The following PIKFYVE variants were observed in gnomAD, a reference collection of about 807,000 sequenced individuals.
PIKFYVE encodes the protein phosphoinositide kinase, FYVE-type zinc finger containing, also known as 1-phosphatidylinositol 3-phosphate 5-kinase.
Under a neutral mutation model 257.9 loss-of-function variants are expected in PIKFYVE, and 122 were observed. The ratio of observed to expected loss-of-function variants is 0.47; its 90% confidence interval spans 0.41 to 0.55. The LOEUF (loss-of-function observed/expected upper bound fraction) is 0.55. Ranked by LOEUF, PIKFYVE falls within the 20% of genes least tolerant of loss-of-function variation. PIKFYVE has a pLI of 0.00. For missense variants in PIKFYVE, 2,160 were observed against 2,536.6 expected, an observed-to-expected ratio of 0.85 and a Z score of 3.19; for synonymous variants, 892 against 868.9, an observed-to-expected ratio of 1.03 and a Z score of -0.47.
chr2:208,304,834 C>T lies in PIKFYVE; in HGVS notation c.1469-12C>T. Reference sequence around the variant, plus strand: ...TCTCCCTATATTTCTTTCCCCTTCCCAACACTAAAAGATTCTGCCAGTCCT... The same window carrying T: ...TCTCCCTATATTTCTTTCCCCTTCCTAACACTAAAAGATTCTGCCAGTCCT... On this transcript the variant is annotated splice_polypyrimidine_tract_variant and intron_variant, in intron 11 of 41. Transcript: ENST00000264380. 1 of 1,612,774 alleles carries T rather than the reference C, an allele frequency of 6.2e-7. No homozygotes were observed. The highest frequency in any genetic ancestry group is 2.2e-5 in the East Asian group (1 of 44,868).
intron 7 of PIKFYVE, among the ~76,000 whole-genome samples, chr2:208,293,057 C>A (rs1692511813): frequency 7.2e-6 from 1 of 138,654 alleles, no homozygotes; most frequent in Non-Finnish European, 1.5e-5. Flanking sequence ...ATTTTCTCTC[C>A]TTTTTAAAGG....
chr2:208,340,443 CAT>C (rs901248235), intron 31 of PIKFYVE, among the ~76,000 whole-genome samples: 13 of 152,122 alleles, frequency 8.5e-5, no homozygotes, highest in Non-Finnish European at 1.5e-4. Context: ...ATTATAAAAA[CAT>C]ATTGCTGGTT....
intron 1 of PIKFYVE, among the ~76,000 whole-genome samples, chr2:208,267,806 T>TCTCC (rs1421408026): frequency 1.3e-5 from 2 of 150,836 alleles, no homozygotes; most frequent in African/African-American, 2.4e-5. Context: ...CGGGCGGGGG[T>TCTCC]CTCCCTCCCT....
chr2:208,334,803 CAG>C (rs1336532680), intron 24 of PIKFYVE, among the ~76,000 whole-genome samples: 2 of 152,172 alleles, frequency 1.3e-5, no homozygotes, highest in African/African-American at 4.8e-5. Flanking sequence ...AATAGACCCT[CAG>C]GGGATATTTG....
chr2:208,354,125 T>G lies in PIKFYVE; in HGVS notation c.6072T>G (p.Asp2024Glu). 6.2e-7 allele frequency: 1 copy of G among 1,613,838 alleles called. No homozygotes were observed. The highest frequency in any genetic ancestry group is 2.2e-5 in the East Asian group (1 of 44,872). The change falls in exon 40 of 42, where the codon GAT (aspartate) becomes GAG (glutamate). Residue 2024 changes from aspartate to glutamate, a missense_variant. This residue lies in a region of PIKFYVE where 699 missense variants were observed against 855.8 expected (regional missense o/e 0.82). Coordinates refer to ENST00000264380, the MANE Select transcript of PIKFYVE (RefSeq NM_015040.4). ...IIDYSLLVGR[D>E]DTSNELVVGI... ...ATTATTCTTTGCTGGTTGGGCGAGA[T>G]GATACTAGCAATGAGCTAGTAGTTG... is the stretch of plus-strand genomic sequence containing the variant.
intron 17 of PIKFYVE, among the ~76,000 whole-genome samples, chr2:208,323,795 T>C (rs534506706): frequency 1.6e-3 from 244 of 152,302 alleles, no homozygotes; most frequent in African/African-American, 5.5e-3. Context: ...TTTTAATGAT[T>C]GCCATTCTAT....
rs976888728 is a variant in PIKFYVE at position 208,273,458 on chromosome 2, G to GA, written c.173-116dup. On this transcript the variant is annotated intron_variant, in intron 2 of 41. Coordinates refer to ENST00000264380, the MANE Select transcript of PIKFYVE (RefSeq NM_015040.4). ...ATTTAAAATTAAATAAATGAAAAAG[G>GA]AAAAAAAAAATTTTTAGTTACGCAT... The GA allele has an allele frequency of 1.7e-3, 1,874 of 1,074,606 alleles. 2 individuals are homozygous for GA. Among genetic ancestry groups the GA allele is most frequent in the South Asian group, 2.6e-3 (188 of 70,998 alleles). 66.6% of individuals were successfully genotyped at this position (1,074,606 alleles called of 1,614,324 possible).
chr2:208,267,708 T>G (rs1688838489), intron 1 of PIKFYVE, among the ~76,000 whole-genome samples: 1 of 152,124 alleles, frequency 6.6e-6, no homozygotes, highest in Admixed American at 6.5e-5. Context: ...GGTTTCACCA[T>G]GTTAGCGAAG....
rs190131392 is a variant in PIKFYVE at position 208,350,650 on chromosome 2, A to G, written c.5435-121A>G. On this transcript the variant is annotated intron_variant, in intron 36 of 41. Transcript: ENST00000264380. The stretch of plus-strand genomic sequence containing the variant: ...AATAGGGATTTGGATCTAACATGCA[A>G]AATGCCATCATGAAGAAACTTAAGT... 79 of 1,042,192 alleles carry G rather than the reference A, an allele frequency of 7.6e-5. No homozygotes were observed. The African/African-American group carries it at 1.1e-3, about 14-fold the overall frequency. 64.6% of individuals were successfully genotyped at this position (1,042,192 alleles called of 1,614,324 possible).
At chr2:208,330,153 G>A (rs536864301) in intron 22 of PIKFYVE, among the ~76,000 whole-genome samples, 40 of 151,866 alleles carry the variant, frequency 2.6e-4, no homozygotes, top group Non-Finnish European at 4.9e-4. Flanking sequence ...AACATTTTTC[G>A]GATACCTGTT....
At chr2:208,283,590 T>A (rs375491204) in intron 5 of PIKFYVE, among the ~76,000 whole-genome samples, 27 of 152,338 alleles carry the variant, frequency 1.8e-4, no homozygotes, top group African/African-American at 5.3e-4. Context: ...TGTTTTTTTT[T>A]TTGGAGACTG....
chr2:208,327,878 T>C (rs1167691634), intron 20 of PIKFYVE, among the ~76,000 whole-genome samples: 1 of 152,178 alleles, frequency 6.6e-6, no homozygotes, highest in African/African-American at 2.4e-5. Flanking sequence ...TAAATATGGG[T>C]ATATTTAATT....
At chr2:208,349,207 TAA>T (rs1415827449) in intron 35 of PIKFYVE, among the ~76,000 whole-genome samples, 3 of 152,100 alleles carry the variant, frequency 2.0e-5, no homozygotes, top group African/African-American at 7.2e-5. Context: ...GACTAGTAAT[TAA>T]GATATCTGTT....
intron 10 of PIKFYVE, among the ~76,000 whole-genome samples, 187 bp from the exon 11 acceptor site, chr2:208,303,984 A>G (rs748015046): frequency 2.6e-5 from 4 of 152,194 alleles, no homozygotes; most frequent in South Asian, 2.1e-4. Context: ...GAAAATCACA[A>G]TTTTAAAGAG....
At chr2:208,285,626 A>G in intron 5 of PIKFYVE, 100 bp from the exon 6 acceptor site, 1 of 932,878 alleles carries the variant, frequency 1.1e-6, no homozygotes, top group Non-Finnish European at 1.7e-6. Context: ...TTATTAGATG[A>G]ACTGTTGACC....
intron 21 of PIKFYVE, 63 bp downstream of exon 21, chr2:208,328,343 AC>A (rs1697169211): frequency 6.2e-7 from 1 of 1,602,498 alleles, no homozygotes; most frequent in African/African-American, 1.3e-5. Context: ...TTAAAAAAAA[AC>A]AAAAACAAAA....
At chr2:208,318,113 A>T (rs563408491) in intron 16 of PIKFYVE, among the ~76,000 whole-genome samples, 172 bp downstream of exon 16, 3 of 152,326 alleles carry the variant, frequency 2.0e-5, no homozygotes, top group Admixed American at 2.0e-4. Flanking sequence ...AGAGCTGAGG[A>T]TGAATGGATT....
chr2:208,285,091 AT>A (rs373706567), intron 5 of PIKFYVE, among the ~76,000 whole-genome samples: 3 of 151,496 alleles, frequency 2.0e-5, no homozygotes, highest in African/African-American at 4.8e-5. Context: ...GTTTTGTTTT[AT>A]TTTATTTATT....
Position 208,326,334 on chromosome 2 carries a change from G to A in PIKFYVE, c.3523G>A (p.Asp1175Asn), listed in dbSNP as rs772097570. The stretch of plus-strand genomic sequence containing the variant: ...TTCAGACCCTTTTGCTCATTCAAAG[G>A]ATGCATCAAGTACTTCAAGTGGCCA... ...KNSDPFAHSK[D>N]ASSTSSGQSG... is the part of the protein sequence containing the mutation. Residue 1175 changes from aspartate (D) to asparagine (N), a missense_variant, in exon 20 of 42, where the codon GAT (aspartate) becomes AAT (asparagine). Coordinates refer to ENST00000264380, the MANE Select transcript of PIKFYVE (RefSeq NM_015040.4). 6.2e-7 allele frequency: 1 copy of A among 1,613,438 alleles called. No homozygotes were observed. The highest frequency in any genetic ancestry group is 1.7e-5 in the Admixed American group (1 of 59,900).
Sources: allele counts gnomAD v4.1 joint callset (sites outside exome capture counted in the v4.1 genomes callset), GRCh38; gene constraint gnomAD v4.1.1; regional missense constraint gnomAD v4.1.1; transcripts MANE v1.5; gene names NCBI Gene and HGNC (gene_info 2026-07-23, HGNC 2026-07-21).